The following ACSM4 variants were observed in gnomAD, a reference collection of about 807,000 sequenced individuals.
The protein encoded by ACSM4 is acyl-CoA synthetase medium chain family member 4.
A neutral mutation model predicts 73.0 loss-of-function variants in ACSM4; 66 were observed. The observed-to-expected ratio is 0.90, with a 90% CI of 0.74 to 1.11. The LOEUF (loss-of-function observed/expected upper bound fraction) is 1.11, where lower values mean the gene tolerates loss of function less well. ACSM4 is among the 50% of genes least tolerant of loss of function. ACSM4 has a pLI of 0.00. For synonymous variants in ACSM4, 222 were observed against 254.0 expected (o/e 0.87, Z 1.20); for missense variants, 645 against 714.4 (o/e 0.90, Z 1.11).
intron 1 of ACSM4, among the ~76,000 whole-genome samples, chr12:7,305,195 T>G (rs1049972361): frequency 1.4e-4 from 22 of 152,352 alleles, no homozygotes; most frequent in African/African-American, 4.8e-4. Context: ...TATCATTTGC[T>G]AAACACTCTC....
At chr12:7,323,368 T>A (rs1946478982) in intron 8 of ACSM4, 54 bp downstream of exon 8, 1 of 1,595,922 alleles carries the variant, frequency 6.3e-7, no homozygotes, top group Non-Finnish European at 8.6e-7. Flanking sequence ...ACGTTTTCCT[T>A]TTCTGCTATT....
chr12:7,306,418 G>T, intron 1 of ACSM4, 115 bp from the exon 2 acceptor site: 1 of 943,784 alleles, frequency 1.1e-6, no homozygotes, highest in Non-Finnish European at 1.6e-6. Context: ...AACTCAGGGC[G>T]CTGTTAGCAG....
chr12:7,307,504 T>C (rs1946368403), intron 2 of ACSM4, among the ~76,000 whole-genome samples: 1 of 152,202 alleles, frequency 6.6e-6, no homozygotes, highest in Non-Finnish European at 1.5e-5. Flanking sequence ...AAAGTATTTA[T>C]ACATCAGGAC....
At chr12:7,320,853 C>A in intron 6 of ACSM4, 49 bp downstream of exon 6, 1 of 1,446,444 alleles carries the variant, frequency 6.9e-7, no homozygotes. Flanking sequence ...AGCTACCATC[C>A]AGGATCACAG....
chr12:7,317,841 G>A (rs779142669), intron 4 of ACSM4, among the ~76,000 whole-genome samples, 185 bp from the exon 5 acceptor site: 8 of 152,072 alleles, frequency 5.3e-5, no homozygotes, highest in Non-Finnish European at 7.4e-5. Flanking sequence ...CTCTCAGACC[G>A]CCTGGGATTC....
In ACSM4 at chr12:7,324,390, A is replaced by G. The variant is rs372499402; in HGVS notation, c.1426A>G (p.Ile476Val). The G allele has an allele frequency of 3.7e-6, 6 of 1,613,998 alleles. No individual in the cohort carries two copies. The African/African-American group carries it at 8.0e-5, about 22-fold the overall frequency. The change falls in exon 10 of 13, where the codon ATA becomes GTA. Residue 476 changes from isoleucine to valine, a missense_variant. Coordinates refer to ENST00000399422, the MANE Select transcript of ACSM4 (RefSeq NM_001080454.2). ...TGTCGGCAGAGCTGATGATGTCATT[A>G]TATCCTCTGGGTTTGTATATTTGCC... ...WFVGRADDVI[I>V]SSGYRIGPFE...
rs377120945 is a variant in ACSM4, at chr12:7,323,572, G to T, written c.1308+12G>T. The T allele has an allele frequency of 1.2e-5, 20 of 1,604,436 alleles. No individual in the cohort carries two copies. Among genetic ancestry groups the T allele is most frequent in the Non-Finnish European group, 1.6e-5 (19 of 1,171,484 alleles). On this transcript the variant is annotated intron_variant, in intron 9 of 12. Coordinates refer to ENST00000399422, the MANE Select transcript of ACSM4 (RefSeq NM_001080454.2). The stretch of plus-strand genomic sequence containing the variant: ...TCTCTAAATATGTGGTATGAGGATA[G>T]AAAGTGCTGGTCATGCTTAATACAG...
At chr12:7,317,913 C>A in intron 4 of ACSM4, 113 bp from the exon 5 acceptor site, 2 of 1,158,974 alleles carry the variant, frequency 1.7e-6, no homozygotes, top group Non-Finnish European at 2.4e-6. Flanking sequence ...CTTCTTTTGA[C>A]CCTTCTCTGT....
At position 7,323,571 on chromosome 12, in the gene ACSM4, AG is replaced by A. The variant is rs1307048031; in HGVS notation, c.1308+12del. 6.2e-7 allele frequency: 1 copy of A among 1,606,312 alleles called. No individual in the cohort carries two copies. Among genetic ancestry groups the A allele is most frequent in the African/African-American group, 1.3e-5 (1 of 74,888 alleles). On this transcript the variant is annotated intron_variant, in intron 9 of 12. Transcript: ENST00000399422. ...TTCTCTAAATATGTGGTATGAGGAT[AG>A]AAAGTGCTGGTCATGCTTAATACAG...
Position 7,308,524 on chromosome 12 carries a change from A to G in ACSM4, c.412+1781A>G, listed in dbSNP as rs753859752. Among the ~76,000 whole-genome samples, 5 of 152,318 alleles carry G rather than the reference A, an allele frequency of 3.3e-5. No homozygotes were observed. In the South Asian group the frequency reaches 6.2e-4, roughly 19 times the overall value. ...TGCAGTAAAGCCTGAGATATATGCT[A>G]TCTGAAATCCACTAGAAGAAAACTT... On this transcript the variant is annotated intron_variant, in intron 2 of 12. Coordinates refer to ENST00000399422, the MANE Select transcript of ACSM4 (RefSeq NM_001080454.2).
At position 7,322,529 on chromosome 12, in the gene ACSM4, A is replaced by G. The variant is rs1946471706; in HGVS notation, c.1113A>G (p.Gly371=). The change falls in exon 7 of 13, where the codon GGA becomes GGG. Residue 371 remains glycine (G), a synonymous_variant. Transcript: ENST00000399422. ...GGCTGGAGCTATATGAGGGCTATGG[A>G]CAGACGGAAGTGGTATATCTAAAGG... The part of the protein sequence containing the change: ...QTGLELYEGY[G]QTEVGMICAN... 3.7e-6 allele frequency: 6 copies of G among 1,613,718 alleles called. No individual in the cohort carries two copies. Among genetic ancestry groups the G allele is most frequent in the Non-Finnish European group, 5.1e-6 (6 of 1,179,776 alleles).
Position 7,324,485 on chromosome 12 carries a change from C to A in ACSM4, c.1437-14C>A, listed in dbSNP as rs761401454. The A allele has an allele frequency of 1.9e-6, 3 of 1,613,940 alleles. No homozygotes were observed. The highest frequency in any genetic ancestry group is 1.7e-6 in the Non-Finnish European group (2 of 1,179,860). ...TGGAGGATGTGGTGGTCAAAAACTTCTTTTCCTCTTCAGGTACCGTATTGG... is the reference window on the plus strand; with the variant it reads ...TGGAGGATGTGGTGGTCAAAAACTTATTTTCCTCTTCAGGTACCGTATTGG... On this transcript the variant is annotated splice_polypyrimidine_tract_variant and intron_variant, in intron 10 of 12. Coordinates refer to ENST00000399422, the MANE Select transcript of ACSM4 (RefSeq NM_001080454.2).
At chr12:7,319,819 T>C (rs1179361491) in intron 5 of ACSM4, among the ~76,000 whole-genome samples, 1 of 152,186 alleles carries the variant, frequency 6.6e-6, no homozygotes, top group Non-Finnish European at 1.5e-5. Flanking sequence ...GTAAGTTAAC[T>C]TTGCAGTTTC....
At chr12:7,320,589 A>G (rs975070940) in intron 5 of ACSM4, 136 bp from the exon 6 acceptor site, 4 of 652,670 alleles carry the variant, frequency 6.1e-6, no homozygotes, top group African/African-American at 5.5e-5. Flanking sequence ...AGTAATAAAT[A>G]TTGTTTTCTT....
At position 7,317,161 on chromosome 12, in the gene ACSM4, T is replaced by G. The variant is rs1946426527; in HGVS notation, c.645T>G (p.Cys215Trp). Residue 215 changes from cysteine (C) to tryptophan (W), a missense_variant, in exon 4 of 13, where the codon TGT (cysteine) becomes TGG (tryptophan). Transcript: ENST00000399422. ...LFQFASEEHS[C>W]VETGSQEPMT... Reference sequence around the variant, plus strand: ...GATTCGCCTCTGAAGAGCACAGCTGTGTGGAAACAGGAAGTCAAGAACCAA... The same window carrying G: ...GATTCGCCTCTGAAGAGCACAGCTGGGTGGAAACAGGAAGTCAAGAACCAA... 1.9e-6 allele frequency: 3 copies of G among 1,612,922 alleles called. No individual in the cohort carries two copies. Among genetic ancestry groups the G allele is most frequent in the Non-Finnish European group, 2.5e-6 (3 of 1,179,532 alleles).
At chr12:7,312,521 T>C (rs1280272197) in intron 3 of ACSM4, among the ~76,000 whole-genome samples, 3 of 152,252 alleles carry the variant, frequency 2.0e-5, no homozygotes, top group Non-Finnish European at 2.9e-5. Context: ...AGGGTAGTTT[T>C]ACTTGTGAGA....
intron 11 of ACSM4, among the ~76,000 whole-genome samples, chr12:7,325,999 T>G (rs1215260932): frequency 6.6e-6 from 1 of 152,154 alleles, no homozygotes; most frequent in African/African-American, 2.4e-5. Context: ...GTTCTTATTC[T>G]CTCAATATAA....
intron 7 of ACSM4, 104 bp from the exon 8 acceptor site, chr12:7,323,130 A>G: frequency 9.2e-7 from 1 of 1,086,056 alleles, no homozygotes; most frequent in Non-Finnish European, 1.3e-6. Context: ...GTGCGCCTGC[A>G]TACCAGGAAA....
At chr12:7,307,939 A>G (rs760950703) in intron 2 of ACSM4, among the ~76,000 whole-genome samples, 2 of 152,224 alleles carry the variant, frequency 1.3e-5, no homozygotes, top group Non-Finnish European at 2.9e-5. Context: ...AGGATAGAAT[A>G]TGGTAAAAAT....
Sources: allele counts gnomAD v4.1 joint callset (sites outside exome capture counted in the v4.1 genomes callset), GRCh38; gene constraint gnomAD v4.1.1; transcripts MANE v1.5; gene names NCBI Gene and HGNC (gene_info 2026-07-23, HGNC 2026-07-21).